The following HACL1 variants were observed in gnomAD, a reference collection of about 807,000 sequenced individuals.
HACL1 encodes the protein 1600020H07Rik.
Under a neutral mutation model 74.2 loss-of-function variants are expected in HACL1, and 64 were observed. The observed-to-expected ratio is 0.86, with a 90% CI of 0.70 to 1.06. HACL1 has a LOEUF of 1.06. HACL1 is among the 50% of genes least tolerant of loss of function. HACL1 has a pLI of 0.00. For synonymous variants in HACL1, 230 were observed against 238.8 expected, an observed-to-expected ratio of 0.96 and a Z score of 0.34; for missense variants, 728 against 719.7, an observed-to-expected ratio of 1.01 and a Z score of -0.13.
At chr3:15,588,804 A>ATTTTTTTTTTTTTT (rs1553644278) in intron 5 of HACL1, among the ~76,000 whole-genome samples, 8 of 149,528 alleles carry the variant, frequency 5.4e-5, no homozygotes, top group South Asian at 2.2e-4. Flanking sequence ...GTTTCTTTTA[A>ATTTTTTTTTTTTTT]TTTTGACATG....
intron 2 of HACL1, among the ~76,000 whole-genome samples, chr3:15,598,066 C>G (rs906859156): frequency 2.0e-5 from 3 of 150,998 alleles, no homozygotes; most frequent in Non-Finnish European, 4.4e-5. Context: ...CTCTTGTTGC[C>G]CAGGCTGGAG....
At chr3:15,589,110 T>G (rs2063846082) in intron 5 of HACL1, among the ~76,000 whole-genome samples, 1 of 152,194 alleles carries the variant, frequency 6.6e-6, no homozygotes, top group African/African-American at 2.4e-5. Flanking sequence ...CTTCAGGTAC[T>G]TCTAATTTAT....
chr3:15,598,576 T>C (rs928339112), intron 2 of HACL1, among the ~76,000 whole-genome samples: 1 of 152,212 alleles, frequency 6.6e-6, no homozygotes, highest in Non-Finnish European at 1.5e-5. Flanking sequence ...ACACTCAAAA[T>C]AGTGCCCACA....
intron 11 of HACL1, 44 bp downstream of exon 11, chr3:15,573,115 T>C (rs779950870): frequency 1.0e-6 from 1 of 997,826 alleles, no homozygotes; most frequent in East Asian, 2.4e-5. Context: ...GAATTGACTA[T>C]TCCCTAATAA....
Position 15,579,972 on chromosome 3 carries a change from G to T in HACL1, c.741C>A (p.Thr247=). The T allele has an allele frequency of 6.2e-7, 1 of 1,609,576 alleles. No individual in the cohort carries two copies. Among genetic ancestry groups the T allele is most frequent in the East Asian group, 2.2e-5 (1 of 44,832 alleles). Residue 247 remains threonine (T), a synonymous_variant, in exon 9 of 17, where the codon ACC becomes ACA. Coordinates refer to ENST00000321169, the MANE Select transcript of HACL1 (RefSeq NM_012260.4). The part of the protein sequence containing the change: ...VEQYKLPFLP[T]PMGKGVVPDN... ...CAGGGACAACACCCTTCCCCATAGG[G>T]GTGGGCAAAAATGGCAGTTTATATT...
intron 9 of HACL1, among the ~76,000 whole-genome samples, chr3:15,575,982 C>T (rs1454832765): frequency 3.4e-5 from 5 of 147,998 alleles, no homozygotes; most frequent in South Asian, 2.2e-4. Flanking sequence ...ATAGTGAAAC[C>T]CCATCTCTAC....
chr3:15,584,534 G>A (rs1009768122), intron 7 of HACL1, among the ~76,000 whole-genome samples: 3 of 152,180 alleles, frequency 2.0e-5, no homozygotes, highest in Non-Finnish European at 4.4e-5. Context: ...GTTGCAGTGA[G>A]CTGAGATAGT....
At chr3:15,594,837 A>G (rs1437050438) in intron 3 of HACL1, among the ~76,000 whole-genome samples, 1 of 152,250 alleles carries the variant, frequency 6.6e-6, no homozygotes, top group East Asian at 1.9e-4. Flanking sequence ...TGTTTTAAAT[A>G]TGAACTTTTC....
At chr3:15,592,977 C>T (rs1302924808) in intron 3 of HACL1, among the ~76,000 whole-genome samples, 1 of 116,958 alleles carries the variant, frequency 8.6e-6, no homozygotes, top group Non-Finnish European at 1.8e-5. Flanking sequence ...CACATGTGTG[C>T]GTGTATACAC....
chr3:15,560,757 G>T lies in HACL1; in HGVS notation c.*108C>A. On this transcript the variant is annotated 3_prime_UTR_variant, in exon 17 of 17. Coordinates refer to ENST00000321169, the MANE Select transcript of HACL1 (RefSeq NM_012260.4). ...TTTACTGTAAAATGTCATTTTAAAT[G>T]TTTATTTTATTTTGCACAATTTTAA... 1 of 775,302 alleles carries T rather than the reference G, an allele frequency of 1.3e-6. No homozygotes were observed. Among genetic ancestry groups the T allele is most frequent in the Non-Finnish European group, 2.2e-6 (1 of 448,434 alleles). 48.0% of individuals were successfully genotyped at this position (775,302 alleles called of 1,614,324 possible).
intron 4 of HACL1, among the ~76,000 whole-genome samples, chr3:15,590,312 T>C (rs1318798817): frequency 6.6e-6 from 1 of 151,364 alleles, no homozygotes; most frequent in Non-Finnish European, 1.5e-5. Context: ...TCCTCAGCAA[T>C]GAAATTCTTA....
intron 5 of HACL1, among the ~76,000 whole-genome samples, chr3:15,587,516 T>C (rs2063816082): frequency 6.6e-6 from 1 of 150,690 alleles, no homozygotes; most frequent in African/African-American, 2.4e-5. Context: ...AAAAACCAGA[T>C]ACTTGGATTC....
intron 9 of HACL1, among the ~76,000 whole-genome samples, chr3:15,578,097 CA>C (rs397876768): frequency 0.18 from 10,880 of 60,336 alleles, 262 homozygotes; most frequent in Admixed American, 0.24. Context: ...GACTCCGTCT[CA>C]AAAAAAAAAA....
chr3:15,577,184 A>C (rs2063640341), intron 9 of HACL1, among the ~76,000 whole-genome samples: 2 of 152,160 alleles, frequency 1.3e-5, no homozygotes, highest in African/African-American at 4.8e-5. Flanking sequence ...CTAGCAGCAA[A>C]CATTACATTT....
At position 15,592,464 on chromosome 3, in the gene HACL1, A is replaced by ATG. The variant is rs1491354562; in HGVS notation, c.228-785_228-784insCA. On this transcript the variant is annotated intron_variant, in intron 3 of 16. Coordinates refer to ENST00000321169, the MANE Select transcript of HACL1 (RefSeq NM_012260.4). ...CACGTATACATACACACACGTATACATACACACACGTATACATACACTTGT... is the reference window on the plus strand; with the variant it reads ...CACGTATACATACACACACGTATACATGTACACACACGTATACATACACTTGT... Among the ~76,000 whole-genome samples the ATG allele has an allele frequency of 4.9e-4, 33 of 67,774 alleles. 1 individual carries two copies. The highest frequency in any genetic ancestry group is 2.1e-3 in the African/African-American group (30 of 14,238). The allele number at this position is 67,774 out of a possible 152,430, so 44.5% of individuals were successfully genotyped here.
intron 9 of HACL1, among the ~76,000 whole-genome samples, chr3:15,578,375 G>C (rs1459433763): frequency 1.3e-5 from 2 of 152,036 alleles, no homozygotes; most frequent in African/African-American, 2.4e-5. Context: ...ATATTAAAAA[G>C]CATGCCTTAA....
At chr3:15,601,337 C>T (rs41284037) in intron 1 of HACL1, 46 bp downstream of exon 1, 116,667 of 1,611,556 alleles carry the variant, frequency 0.072, 4,606 homozygotes, top group African/African-American at 0.11. Context: ...TCGCGGTCCC[C>T]GCCAGCTTCC....
At chr3:15,595,006 A>G (rs2064030272) in intron 3 of HACL1, among the ~76,000 whole-genome samples, 1 of 152,180 alleles carries the variant, frequency 6.6e-6, no homozygotes, top group Non-Finnish European at 1.5e-5. Context: ...GCATGCCTGT[A>G]ATCCCAGCTA....
chr3:15,594,301 G>A (rs1448982870), intron 3 of HACL1, among the ~76,000 whole-genome samples: 1 of 152,174 alleles, frequency 6.6e-6, no homozygotes, highest in African/African-American at 2.4e-5. Context: ...AGCTACTTGG[G>A]AGGCTGAGGC....
Sources: gnomAD v4.1 joint callset for allele counts (sites outside exome capture counted in the v4.1 genomes callset) on GRCh38, gnomAD v4.1.1 for gene constraint, MANE v1.5 for transcripts, NCBI Gene and HGNC (gene_info 2026-07-23, HGNC 2026-07-21) for gene names.